Variants in FSTL5 observed in about 807,000 individuals in gnomAD.
The protein encoded by FSTL5 is follistatin-related protein 5.
Under a neutral mutation model 89.1 loss-of-function variants are expected in FSTL5, and 62 were observed. The observed-to-expected ratio is 0.70, with a 90% CI of 0.57 to 0.86. FSTL5 has a LOEUF of 0.86. Among genes scored for constraint, FSTL5 ranks in the 40% least tolerant of loss-of-function variants. The pLI is 0.00. For synonymous variants in FSTL5, 383 were observed against 346.2 expected (o/e 1.11, Z -1.18); for missense variants, 1,057 against 1,001.6 (o/e 1.06, Z -0.75).
intron 10 of FSTL5, among the ~76,000 whole-genome samples, chr4:161,524,703 T>C (rs1411643428): frequency 6.6e-6 from 1 of 152,172 alleles, no homozygotes; most frequent in Non-Finnish European, 1.5e-5. Context: ...CTCACGCCTG[T>C]GATCCCAGCA....
At chr4:162,089,656 A>AAAAAAAAAG (rs1561012753) in intron 2 of FSTL5, among the ~76,000 whole-genome samples, 12 of 136,422 alleles carry the variant, frequency 8.8e-5, no homozygotes, top group Non-Finnish European at 1.4e-4. Context: ...AAAAAGAAAA[A>AAAAAAAAAG]AAAGAAAGAA....
intron 4 of FSTL5, among the ~76,000 whole-genome samples, chr4:161,818,811 C>T (rs1267632702): frequency 6.6e-6 from 1 of 152,078 alleles, no homozygotes; most frequent in Non-Finnish European, 1.5e-5. Context: ...ACAACCTTCA[C>T]AGTATGATTT....
chr4:161,559,997 G>T (rs1224368872), intron 8 of FSTL5, among the ~76,000 whole-genome samples: 1 of 151,686 alleles, frequency 6.6e-6, no homozygotes, highest in Non-Finnish European at 1.5e-5. Flanking sequence ...TTTCAATGCA[G>T]CCCAACACAA....
chr4:161,913,972 T>G (rs1012453052), intron 4 of FSTL5, among the ~76,000 whole-genome samples: 3 of 152,150 alleles, frequency 2.0e-5, no homozygotes, highest in African/African-American at 7.2e-5. Flanking sequence ...TGAAATTAGT[T>G]AAAACTTCGG....
At chr4:161,865,371 C>A (rs1732051760) in intron 4 of FSTL5, among the ~76,000 whole-genome samples, 1 of 152,084 alleles carries the variant, frequency 6.6e-6, no homozygotes, top group Admixed American at 6.5e-5. Flanking sequence ...ATTTATAAGT[C>A]AGTTGAAGAA....
At chr4:161,462,448 G>A (rs180796450) in intron 13 of FSTL5, among the ~76,000 whole-genome samples, 79 of 152,308 alleles carry the variant, frequency 5.2e-4, no homozygotes, top group African/African-American at 1.9e-3. Context: ...CTGAAAGTCA[G>A]TATAGATCAT....
At chr4:162,005,827 C>G (rs1736600483) in intron 3 of FSTL5, among the ~76,000 whole-genome samples, 2 of 152,096 alleles carry the variant, frequency 1.3e-5, no homozygotes, top group South Asian at 2.1e-4. Flanking sequence ...GACTCAGGAA[C>G]TTTCCAAGGA....
At chr4:161,889,612 C>T (rs1732923597) in intron 4 of FSTL5, among the ~76,000 whole-genome samples, 2 of 152,004 alleles carry the variant, frequency 1.3e-5, no homozygotes, top group African/African-American at 4.8e-5. Context: ...CCATTGCACT[C>T]CAGCCTGAGC....
intron 7 of FSTL5, among the ~76,000 whole-genome samples, chr4:161,608,735 G>T (rs374988790): frequency 6.6e-6 from 1 of 151,678 alleles, no homozygotes; most frequent in African/African-American, 2.4e-5. Flanking sequence ...GAGAAAAGAG[G>T]ATATATGGTG....
At chr4:161,471,799 C>T (rs906701775) in intron 13 of FSTL5, among the ~76,000 whole-genome samples, 5 of 151,830 alleles carry the variant, frequency 3.3e-5, no homozygotes, top group African/African-American at 1.2e-4. Context: ...ATAAATTTGT[C>T]CATTTTATGT....
At chr4:161,498,468 G>A (rs893793548) in intron 12 of FSTL5, among the ~76,000 whole-genome samples, 10 of 152,118 alleles carry the variant, frequency 6.6e-5, no homozygotes, top group African/African-American at 1.4e-4. Context: ...ATGTGGTGCA[G>A]GAAAAATATT....
At chr4:161,509,487 A>G (rs901027277) in intron 11 of FSTL5, among the ~76,000 whole-genome samples, 3 of 151,970 alleles carry the variant, frequency 2.0e-5, no homozygotes, top group Non-Finnish European at 4.4e-5. Context: ...TTAAGGAGCA[A>G]CGGGATCTAA....
At chr4:161,434,117 A>G (rs1307142713) in intron 15 of FSTL5, among the ~76,000 whole-genome samples, 1 of 152,158 alleles carries the variant, frequency 6.6e-6, no homozygotes, top group Non-Finnish European at 1.5e-5. Context: ...CAAAGAGAAC[A>G]AAACTGGAGG....
At chr4:161,890,125 T>C (rs1732940222) in intron 4 of FSTL5, among the ~76,000 whole-genome samples, 1 of 152,210 alleles carries the variant, frequency 6.6e-6, no homozygotes, top group Non-Finnish European at 1.5e-5. Context: ...TCAGTGAATG[T>C]AAATGAGTCA....
intron 15 of FSTL5, among the ~76,000 whole-genome samples, chr4:161,396,050 A>C (rs1730983628): frequency 6.6e-6 from 1 of 151,982 alleles, no homozygotes; most frequent in Non-Finnish European, 1.5e-5. Context: ...CAGAGACTTG[A>C]CCAGTTAGGG....
intron 7 of FSTL5, among the ~76,000 whole-genome samples, chr4:161,622,451 T>A (rs1259813380): frequency 1.3e-5 from 2 of 151,994 alleles, no homozygotes; most frequent in Non-Finnish European, 2.9e-5. Context: ...TAGACCCTCA[T>A]GAATAACTCT....
At chr4:161,976,214 C>T (rs1735641874) in intron 3 of FSTL5, among the ~76,000 whole-genome samples, 1 of 151,822 alleles carries the variant, frequency 6.6e-6, no homozygotes, top group Non-Finnish European at 1.5e-5. Context: ...GCCTTCTTTC[C>T]TTTGGCAGAA....
intron 5 of FSTL5, among the ~76,000 whole-genome samples, chr4:161,766,341 A>T (rs902288078): frequency 6.6e-6 from 1 of 152,138 alleles, no homozygotes; most frequent in South Asian, 2.1e-4. Flanking sequence ...CCGCCATTCT[A>T]CCAAGTGAAG....
chr4:161,423,923 A>G (rs1732077576), intron 15 of FSTL5, among the ~76,000 whole-genome samples: 2 of 150,926 alleles, frequency 1.3e-5, no homozygotes, highest in South Asian at 4.2e-4. Context: ...GCAGTGGCGC[A>G]ATCTGGGCTC....
Sources: allele counts gnomAD v4.1 joint callset (sites outside exome capture counted in the v4.1 genomes callset), GRCh38; gene constraint gnomAD v4.1.1; transcripts MANE v1.5; gene names NCBI Gene and HGNC (gene_info 2026-07-23, HGNC 2026-07-21).